Variants in SVEP1 observed in about 807,000 individuals in gnomAD.
SVEP1 encodes sushi, von Willebrand factor type A, EGF and pentraxin domain containing 1, also known as sushi, von Willebrand factor type A, EGF and pentraxin domain-containing protein 1.
SVEP1 carries 164 observed loss-of-function variants against 367.3 expected under a neutral mutation model. The ratio of observed to expected loss-of-function variants is 0.45; its 90% CI spans 0.39 to 0.51. The LOEUF is 0.51. Among genes scored for constraint, SVEP1 ranks in the 20% least tolerant of loss-of-function variants. The probability of loss-of-function intolerance (pLI) is 0.00; values close to 1 mark genes in which losing one functional copy is unlikely to be tolerated. For missense variants in SVEP1, 4,117 were observed against 4,425.3 expected (o/e 0.93, Z 1.98); for synonymous variants, 1,666 against 1,611.6 (o/e 1.03, Z -0.81).
At chr9:110,457,960 G>C (rs1047866311) in intron 20 of SVEP1, among the ~76,000 whole-genome samples, 8 of 151,722 alleles carry the variant, frequency 5.3e-5, no homozygotes, top group African/African-American at 1.9e-4. Flanking sequence ...AAGTAACCAA[G>C]ACTTAACAAC....
intron 30 of SVEP1, among the ~76,000 whole-genome samples, chr9:110,433,364 CAAAAAAAAAAAA>C (rs10611877): frequency 2.5e-5 from 2 of 80,494 alleles, no homozygotes; most frequent in African/African-American, 1.1e-4. Context: ...GTAGATAGGC[CAAAAAAAAAAAA>C]AAAAAAAAAA....
Position 110,487,806 on chromosome 9 carries a change from A to C in SVEP1, c.1930+1844T>G, listed in dbSNP as rs550295548. Among the ~76,000 whole-genome samples, 70 of 152,328 alleles carry C rather than the reference A, an allele frequency of 4.6e-4. No individual in the cohort carries two copies. In the Middle Eastern group the frequency reaches 0.014, roughly 30 times the overall value. On this transcript the variant is annotated intron_variant, in intron 9 of 47. Transcript: ENST00000374469. ...CTCACAATGAGGTAATACATTCATTACTTTTACTTTTGGATAAAGAAATTG... is the reference window on the plus strand; with the variant it reads ...CTCACAATGAGGTAATACATTCATTCCTTTTACTTTTGGATAAAGAAATTG...
chr9:110,467,116 A>G (rs1163073202), intron 17 of SVEP1, among the ~76,000 whole-genome samples: 3 of 152,148 alleles, frequency 2.0e-5, no homozygotes, highest in Non-Finnish European at 2.9e-5. Flanking sequence ...ATGCAGAACT[A>G]TGGCAAAGAA....
intron 3 of SVEP1, among the ~76,000 whole-genome samples, chr9:110,517,344 T>C (rs1829817933): frequency 6.6e-6 from 1 of 151,996 alleles, no homozygotes; most frequent in Non-Finnish European, 1.5e-5. Flanking sequence ...ATGCCTATAA[T>C]CCCAGCAATT....
intron 22 of SVEP1, among the ~76,000 whole-genome samples, chr9:110,452,211 TTA>T (rs1564146831): frequency 1.3e-5 from 2 of 152,228 alleles, no homozygotes; most frequent in Admixed American, 6.5e-5. Flanking sequence ...ATACAGACCA[TTA>T]TGAACACTTG....
At chr9:110,544,048 G>C (rs1830186979) in intron 3 of SVEP1, among the ~76,000 whole-genome samples, 2 of 152,028 alleles carry the variant, frequency 1.3e-5, no homozygotes, top group Admixed American at 1.3e-4. Context: ...GTTTCTGCCA[G>C]CTGGGATCAA....
At chr9:110,389,632 TAGAAAGATAATAA>T in intron 40 of SVEP1, 45 bp from the exon 41 acceptor site, 8 of 1,603,620 alleles carry the variant, frequency 5.0e-6, no homozygotes, top group Non-Finnish European at 6.0e-6. Context: ...AACTCTACAA[TAGAAAGATAATAA>T]GGAAATGCAA....
chr9:110,499,333 C>T, intron 6 of SVEP1, 95 bp from the exon 7 acceptor site: 3 of 1,163,174 alleles, frequency 2.6e-6, no homozygotes, highest in South Asian at 3.2e-5. Context: ...ATTATGCTGC[C>T]TTAGGATTTA....
In SVEP1 at chr9:110,390,264, T is replaced by C. The variant is rs1411665556; in HGVS notation, c.9823-677A>G. On this transcript the variant is annotated intron_variant, in intron 40 of 47. Coordinates refer to ENST00000374469, the MANE Select transcript of SVEP1 (RefSeq NM_153366.4). ...GTGTATATATACTTATATAAGTATG[T>C]ATATATATACTTATATATATACATA... is the stretch of plus-strand genomic sequence containing the variant. Among the ~76,000 whole-genome samples, 25 of 112,226 alleles carry C rather than the reference T, an allele frequency of 2.2e-4. 3 individuals carry two copies. Among genetic ancestry groups the C allele is most frequent in the Non-Finnish European group, 4.1e-4 (22 of 53,922 alleles). 73.6% of individuals were successfully genotyped at this position (112,226 alleles called of 152,430 possible). A position where few individuals can be genotyped will look rare whatever the true frequency, so the allele number is the denominator to read the frequency against.
At chr9:110,547,394 C>A (rs1356970730) in intron 2 of SVEP1, among the ~76,000 whole-genome samples, 1 of 152,086 alleles carries the variant, frequency 6.6e-6, no homozygotes, top group African/African-American at 2.4e-5. Context: ...GAGACCCTGT[C>A]TCTACAAAAA....
At chr9:110,463,710 AAG>A (rs1405552248) in intron 18 of SVEP1, among the ~76,000 whole-genome samples, 1 of 151,952 alleles carries the variant, frequency 6.6e-6, no homozygotes, top group Non-Finnish European at 1.5e-5. Flanking sequence ...AGAAAGGCAA[AAG>A]AGAGAAAGAG....
rs1168810637 is a variant in SVEP1, at chr9:110,374,549, C to T, written c.10600+819G>A. Among the ~76,000 whole-genome samples the T allele has an allele frequency of 2.6e-5, 4 of 152,142 alleles. No individual in the cohort carries two copies. In the South Asian group the frequency reaches 8.3e-4, roughly 32 times the overall value. On this transcript the variant is annotated intron_variant, in intron 46 of 47. Transcript: ENST00000374469. ...ACTGTAATCCCAGCTACTCCAGAGG[C>T]TGAGGCAGGAGAATTGCTTGAACCT... is the stretch of plus-strand genomic sequence containing the variant.
intron 9 of SVEP1, among the ~76,000 whole-genome samples, chr9:110,487,973 T>C (rs74638096): frequency 0.02 from 2,993 of 152,242 alleles, 98 homozygotes; most frequent in African/African-American, 0.068. Context: ...ATTTTGGTAA[T>C]GAGCAGAAGA....
At chr9:110,568,854 C>T (rs1830521979) in intron 1 of SVEP1, among the ~76,000 whole-genome samples, 5 of 152,182 alleles carry the variant, frequency 3.3e-5, no homozygotes, top group Admixed American at 2.0e-4. Flanking sequence ...AATCCCAGCA[C>T]TTTGGGAGGC....
At chr9:110,403,742 G>A (rs1827907135) in intron 39 of SVEP1, among the ~76,000 whole-genome samples, 1 of 151,992 alleles carries the variant, frequency 6.6e-6, no homozygotes, top group South Asian at 2.1e-4. Context: ...CATGGGTTAT[G>A]CCCAATATGT....
intron 1 of SVEP1, among the ~76,000 whole-genome samples, chr9:110,558,345 A>G (rs1830380019): frequency 6.6e-6 from 1 of 150,800 alleles, no homozygotes. Flanking sequence ...AAAAAAAAAA[A>G]AAAAAAAAAT....
In SVEP1 at chr9:110,471,527, T is replaced by A; in HGVS notation, c.2835A>T (p.Thr945=). The A allele has an allele frequency of 6.2e-7, 1 of 1,614,004 alleles. No homozygotes were observed. Among genetic ancestry groups the A allele is most frequent in the Non-Finnish European group, 8.5e-7 (1 of 1,179,886 alleles). The stretch of plus-strand genomic sequence containing the variant: ...TCAGTTTATTTGTGATAGTTTCCAA[T>A]GTCTGAAGGAGTCGTTGCTGATTTT... The part of the protein sequence containing the change: ...EWENQQRLLQ[T]LETITNKLKR... Residue 945 remains threonine (T), a synonymous_variant, in exon 16 of 48, where the codon ACA becomes ACT. Coordinates refer to ENST00000374469, the MANE Select transcript of SVEP1 (RefSeq NM_153366.4).
intron 43 of SVEP1, among the ~76,000 whole-genome samples, chr9:110,381,118 C>T (rs1827427973): frequency 6.6e-6 from 1 of 151,482 alleles, no homozygotes; most frequent in Admixed American, 6.6e-5. Context: ...TTTTAATTAG[C>T]TAGTGGTCTA....
intron 3 of SVEP1, among the ~76,000 whole-genome samples, chr9:110,544,709 T>C (rs1004474577): frequency 3.9e-5 from 6 of 152,212 alleles, no homozygotes; most frequent in African/African-American, 9.6e-5. Context: ...ATATAATGTG[T>C]AATGATCACA....
Sources: gnomAD v4.1 joint callset for allele counts (sites outside exome capture counted in the v4.1 genomes callset) on GRCh38, gnomAD v4.1.1 for gene constraint, MANE v1.5 for transcripts, NCBI Gene and HGNC (gene_info 2026-07-23, HGNC 2026-07-21) for gene names.